MAF: variants seen among roughly 807,000 people sequenced by gnomAD.
MAF encodes the protein transcription factor Maf.
A neutral mutation model predicts 22.0 loss-of-function variants in MAF; 10 were observed. The observed-to-expected ratio is 0.45, with a 90% CI of 0.28 to 0.77. MAF has a LOEUF of 0.77. Among genes scored for constraint, MAF ranks in the 30% least tolerant of loss-of-function variants. MAF has a pLI of 0.12. For missense variants in MAF, 544 were observed against 548.4 expected (o/e 0.99, Z 0.08); for synonymous variants, 337 against 255.8 (o/e 1.32, Z -3.03).
chr16:79,319,369 A>G, the MAF span, among the ~76,000 whole-genome samples: 1 of 152,240 alleles, frequency 6.6e-6, no homozygotes, highest in African/African-American at 2.4e-5. Context: ...CTATGGATCA[A>G]TGCGCTCAGA....
At chr16:79,548,474 GT>G in the MAF span, among the ~76,000 whole-genome samples, 1 of 152,244 alleles carries the variant, frequency 6.6e-6, no homozygotes, top group African/African-American at 2.4e-5. Context: ...AAACACATTG[GT>G]TAGTTGGTCT....
chr16:79,291,089 A>G, the MAF span, among the ~76,000 whole-genome samples: 2 of 152,276 alleles, frequency 1.3e-5, no homozygotes, highest in South Asian at 2.1e-4. Flanking sequence ...AGGACCCATT[A>G]CAAATCACAG....
chr16:79,471,998 C>A, the MAF span, among the ~76,000 whole-genome samples: 12 of 152,120 alleles, frequency 7.9e-5, no homozygotes, highest in South Asian at 2.5e-3. Flanking sequence ...GGAAAGACTC[C>A]ACAGCAATTT....
the MAF span, among the ~76,000 whole-genome samples, chr16:79,257,383 T>G: frequency 6.6e-6 from 1 of 152,124 alleles, no homozygotes; most frequent in Non-Finnish European, 1.5e-5. Flanking sequence ...TGTTTCAAAA[T>G]GCAAAAATAT....
chr16:79,417,918 T>C, the MAF span, among the ~76,000 whole-genome samples: 1 of 152,230 alleles, frequency 6.6e-6, no homozygotes, highest in East Asian at 1.9e-4. Flanking sequence ...TTAGAAATGA[T>C]AAATTGCAGG....
At chr16:79,516,482 T>A in the MAF span, among the ~76,000 whole-genome samples, 3 of 152,198 alleles carry the variant, frequency 2.0e-5, no homozygotes, top group Non-Finnish European at 4.4e-5. Context: ...AGAGGATGAA[T>A]GAGGCTCAGA....
the MAF span, among the ~76,000 whole-genome samples, chr16:79,363,768 G>A: frequency 6.6e-6 from 1 of 152,154 alleles, no homozygotes; most frequent in Non-Finnish European, 1.5e-5. Context: ...TAGGAGACTT[G>A]GTAAGAGTTG....
At chr16:79,468,943 C>G in the MAF span, among the ~76,000 whole-genome samples, 1 of 152,182 alleles carries the variant, frequency 6.6e-6, no homozygotes, top group East Asian at 1.9e-4. Flanking sequence ...CTCACACTTC[C>G]TTTTTAATAG....
the MAF span, among the ~76,000 whole-genome samples, chr16:79,346,597 G>T: frequency 6.6e-6 from 1 of 152,182 alleles, no homozygotes; most frequent in African/African-American, 2.4e-5. Flanking sequence ...GATTTTGAAG[G>T]TGATGATGGA....
the MAF span, among the ~76,000 whole-genome samples, chr16:79,350,544 C>A: frequency 6.6e-6 from 1 of 152,298 alleles, no homozygotes; most frequent in Admixed American, 6.5e-5. Flanking sequence ...CACCTGACTG[C>A]GTACTCAACA....
the MAF span, among the ~76,000 whole-genome samples, chr16:79,498,473 G>T: frequency 2.0e-5 from 3 of 152,206 alleles, no homozygotes; most frequent in East Asian, 5.8e-4. Flanking sequence ...GTCAGCAATG[G>T]GAAAACAGGC....
At chr16:79,241,641 T>A in the MAF span, among the ~76,000 whole-genome samples, 14 of 152,002 alleles carry the variant, frequency 9.2e-5, 1 homozygote, top group Admixed American at 2.6e-4. Context: ...CCAGCAGAAC[T>A]TCCCCAACCT....
chr16:79,567,497 T>C, the MAF span, among the ~76,000 whole-genome samples: 1 of 152,242 alleles, frequency 6.6e-6, no homozygotes, highest in Admixed American at 6.5e-5. Flanking sequence ...TTTTTGCTTT[T>C]TCTTTTTTAA....
the MAF span, among the ~76,000 whole-genome samples, chr16:79,359,789 G>T: frequency 6.6e-6 from 1 of 152,168 alleles, no homozygotes; most frequent in African/African-American, 2.4e-5. Flanking sequence ...TCTTAAAAGA[G>T]ACACTGGCAT....
chr16:79,571,719 G>T, the MAF span, among the ~76,000 whole-genome samples: 2 of 152,010 alleles, frequency 1.3e-5, no homozygotes, highest in Admixed American at 6.5e-5. Context: ...GGTCTACAAG[G>T]TTTCCAGCCT....
At chr16:79,539,917 T>C in the MAF span, among the ~76,000 whole-genome samples, 1 of 152,120 alleles carries the variant, frequency 6.6e-6, no homozygotes, top group Non-Finnish European at 1.5e-5. Context: ...TTATGAGTGA[T>C]TTTTAGCTTT....
At chr16:79,317,487 C>A in the MAF span, among the ~76,000 whole-genome samples, 6,334 of 147,114 alleles carry the variant, frequency 0.043, 444 homozygotes, top group African/African-American at 0.15. Flanking sequence ...CTCTCCCTCC[C>A]TCCGTTCTCC....
At chr16:79,318,077 T>C in the MAF span, among the ~76,000 whole-genome samples, 50 of 152,228 alleles carry the variant, frequency 3.3e-4, no homozygotes, top group Admixed American at 3.1e-3. Context: ...CATTCATTCA[T>C]TCTCCAAATA....
the MAF span, among the ~76,000 whole-genome samples, chr16:79,544,066 G>A: frequency 6.6e-6 from 1 of 152,052 alleles, no homozygotes; most frequent in Non-Finnish European, 1.5e-5. Flanking sequence ...CTAAAAACGG[G>A]AAAATGTTTG....
Sources: gnomAD v4.1 joint callset for allele counts (sites outside exome capture counted in the v4.1 genomes callset) on GRCh38, gnomAD v4.1.1 for gene constraint, MANE v1.5 for transcripts, NCBI Gene and HGNC (gene_info 2026-07-23, HGNC 2026-07-21) for gene names.